UBE2L3: variants seen among roughly 807,000 people sequenced by gnomAD.
UBE2L3 encodes the protein ubiquitin-conjugating enzyme E2 L3.
UBE2L3 carries 1 observed loss-of-function variant against 17.8 expected under a neutral mutation model. The observed-to-expected ratio is 0.06, with a 90% CI of 0.02 to 0.27. The LOEUF (loss-of-function observed/expected upper bound fraction) is 0.27. UBE2L3 is among the 10% of genes least tolerant of loss of function. UBE2L3 has a pLI of 1.00. For synonymous variants in UBE2L3, 44 were observed against 68.5 expected (o/e 0.64, Z 1.76); for missense variants, 40 against 192.6 (o/e 0.21, Z 4.69).
At position 21,612,643 on chromosome 22, in the gene UBE2L3, CTTTTTTTTTTTTTTTTT is replaced by C. The variant is rs57678378; in HGVS notation, c.310+1612_310+1628del. Among the ~76,000 whole-genome samples, 139 of 52,492 alleles carry C rather than the reference CTTTTTTTTTTTTTTTTT, an allele frequency of 2.6e-3. 2 individuals carry two copies. The highest frequency in any genetic ancestry group is 8.5e-3 in the African/African-American group (133 of 15,688). 34.4% of individuals were successfully genotyped at this position (52,492 alleles called of 152,430 possible). A position where few individuals can be genotyped will look rare whatever the true frequency, so the allele number is the denominator to read the frequency against. On this transcript the variant is annotated intron_variant, in intron 3 of 3. Transcript: ENST00000342192. ...CCCAGCCGATTTTTTCTTTTCTTTTCTTTTTTTTTTTTTTTTTTTTTTTTTTTTGAGACGGAGTCACC... is the reference window on the plus strand; with the variant it reads ...CCCAGCCGATTTTTTCTTTTCTTTTCTTTTTTTTTTTGAGACGGAGTCACC...
chr22:21,593,223 C>G (rs1376492227), intron 2 of UBE2L3, among the ~76,000 whole-genome samples: 2 of 152,138 alleles, frequency 1.3e-5, no homozygotes, highest in East Asian at 3.9e-4. Context: ...GTCTGTGCTC[C>G]TGCTCTTTCC....
chr22:21,577,476 C>T (rs1469026334), intron 1 of UBE2L3, among the ~76,000 whole-genome samples: 1 of 152,212 alleles, frequency 6.6e-6, no homozygotes, highest in East Asian at 1.9e-4. Context: ...GTTTCTCCTT[C>T]TGACCCTTGC....
At chr22:21,619,027 A>C (rs1441930069) in intron 3 of UBE2L3, among the ~76,000 whole-genome samples, 1 of 152,170 alleles carries the variant, frequency 6.6e-6, no homozygotes, top group Admixed American at 6.5e-5. Flanking sequence ...TAAAATGCTA[A>C]TGCGGTAGTA....
At chr22:21,570,558 C>G (rs1160874863) in intron 1 of UBE2L3, among the ~76,000 whole-genome samples, 1 of 152,128 alleles carries the variant, frequency 6.6e-6, no homozygotes, top group Non-Finnish European at 1.5e-5. Flanking sequence ...TTCCATGCCT[C>G]TTGTCAGGCT....
chr22:21,612,806 T>G (rs1929567734), intron 3 of UBE2L3, among the ~76,000 whole-genome samples: 1 of 151,450 alleles, frequency 6.6e-6, no homozygotes, highest in Middle Eastern at 3.2e-3. Flanking sequence ...TCGGCTAATT[T>G]TTGTATTTGT....
At chr22:21,615,554 C>CA (rs370703483) in intron 3 of UBE2L3, among the ~76,000 whole-genome samples, 1,496 of 94,024 alleles carry the variant, frequency 0.016, 25 homozygotes, top group African/African-American at 0.049. Flanking sequence ...GACTCCGTCT[C>CA]AAAAAAAAAA....
At chr22:21,586,677 C>G (rs1275963880) in intron 1 of UBE2L3, among the ~76,000 whole-genome samples, 4 of 151,878 alleles carry the variant, frequency 2.6e-5, no homozygotes, top group Admixed American at 2.0e-4. Context: ...CAGTGATTCT[C>G]CAACCTCACC....
At chr22:21,603,836 C>CAA (rs903922965) in intron 2 of UBE2L3, among the ~76,000 whole-genome samples, 10,943 of 105,286 alleles carry the variant, frequency 0.1, 1,425 homozygotes, top group African/African-American at 0.33. Context: ...GACTCTGTCT[C>CAA]AAAAAAAAAA....
At chr22:21,610,729 A>T in intron 2 of UBE2L3, 128 bp from the exon 3 acceptor site, 1 of 1,062,672 alleles carries the variant, frequency 9.4e-7, no homozygotes, top group Non-Finnish European at 1.3e-6. Context: ...TGAAGGTGGC[A>T]GGGCTTCAGT....
intron 1 of UBE2L3, among the ~76,000 whole-genome samples, chr22:21,589,591 A>G (rs1928149026): frequency 6.6e-6 from 1 of 152,200 alleles, no homozygotes. Context: ...GGTTGGTCAC[A>G]GTGCCTGGCA....
chr22:21,572,446 AC>A (rs1927031383), intron 1 of UBE2L3, among the ~76,000 whole-genome samples: 1 of 151,116 alleles, frequency 6.6e-6, no homozygotes, highest in Non-Finnish European at 1.5e-5. Flanking sequence ...AAAAAAGAAA[AC>A]CCTGAGACAA....
At chr22:21,593,390 T>G (rs1172490242) in intron 2 of UBE2L3, among the ~76,000 whole-genome samples, 1 of 152,194 alleles carries the variant, frequency 6.6e-6, no homozygotes, top group African/African-American at 2.4e-5. Context: ...GCTTTATTCC[T>G]GGTCCCCTCC....
chr22:21,584,832 G>A (rs895625915), intron 1 of UBE2L3, among the ~76,000 whole-genome samples: 6 of 152,144 alleles, frequency 3.9e-5, no homozygotes, highest in Non-Finnish European at 7.4e-5. Flanking sequence ...ATGGTGGTGC[G>A]TGCCTGTAGC....
intron 1 of UBE2L3, among the ~76,000 whole-genome samples, chr22:21,584,573 G>A (rs573331117): frequency 6.6e-6 from 1 of 151,950 alleles, no homozygotes; most frequent in Admixed American, 6.6e-5. Context: ...GCATGATCAT[G>A]GGCTCAGGCA....
intron 2 of UBE2L3, among the ~76,000 whole-genome samples, chr22:21,602,817 C>T (rs188794498): frequency 1.1e-3 from 163 of 152,334 alleles, no homozygotes; most frequent in African/African-American, 3.2e-3. Context: ...CAGTTCCCCT[C>T]GTCCCCGCAT....
At chr22:21,563,469 G>A (rs1926522049), upstream of UBE2L3, among the ~76,000 whole-genome samples, 1 of 146,822 alleles carries the variant, frequency 6.8e-6, no homozygotes, top group South Asian at 2.1e-4. Context: ...GGCTGAGGCG[G>A]GAGAATGGCG....
At chr22:21,562,771 C>T (rs1220937270), upstream of UBE2L3, among the ~76,000 whole-genome samples, 1 of 147,832 alleles carries the variant, frequency 6.8e-6, no homozygotes, top group African/African-American at 2.5e-5. Flanking sequence ...TCCCAAGGTG[C>T]TGGGATTACA....
intron 1 of UBE2L3, among the ~76,000 whole-genome samples, chr22:21,556,470 T>A (rs1052717234): frequency 1.3e-5 from 2 of 152,246 alleles, no homozygotes; most frequent in Admixed American, 1.3e-4. Flanking sequence ...TGCTCTGTCA[T>A]CCAGGCTGGA....
chr22:21,565,743 A>G (rs1170155291), upstream of UBE2L3, among the ~76,000 whole-genome samples: 1 of 122,658 alleles, frequency 8.2e-6, no homozygotes, highest in Admixed American at 9.6e-5. Flanking sequence ...TGACAGAGTG[A>G]AACTGTGTCT....
Sources: gnomAD v4.1 joint callset for allele counts (sites outside exome capture counted in the v4.1 genomes callset) on GRCh38, gnomAD v4.1.1 for gene constraint, MANE v1.5 for transcripts, NCBI Gene and HGNC (gene_info 2026-07-23, HGNC 2026-07-21) for gene names.